Variants in FOLR2 observed in about 807,000 individuals in gnomAD.
The protein encoded by FOLR2 is folate receptor 2 (fetal).
FOLR2 carries 14 observed loss-of-function variants against 20.4 expected under a neutral mutation model. That is an observed-to-expected ratio of 0.68 (90% CI 0.45 to 1.07). The LOEUF is 1.07. FOLR2 is among the 50% of genes least tolerant of loss of function. The pLI, the probability that FOLR2 is intolerant of heterozygous loss-of-function variation, is 0.00. For missense variants in FOLR2, 269 were observed against 322.6 expected, an observed-to-expected ratio of 0.83 and a Z score of 1.27; for synonymous variants, 114 against 114.3, an observed-to-expected ratio of 1.00 and a Z score of 0.02.
At chr11:72,218,818 G>C in intron 2 of FOLR2, 84 bp downstream of exon 2, 1 of 1,169,946 alleles carries the variant, frequency 8.5e-7, no homozygotes, top group Non-Finnish European at 1.2e-6. Flanking sequence ...AGGGATTGAG[G>C]GGTCAGATAC....
Position 72,221,677 on chromosome 11 carries a change from A to G in FOLR2, c.683A>G (p.His228Arg). ...GCGAGGTTCTATGCTGCAGCCATGCATGTGAATGCTGGTGAGATGCTTCAT... is the reference window on the plus strand; with the variant it reads ...GCGAGGTTCTATGCTGCAGCCATGCGTGTGAATGCTGGTGAGATGCTTCAT... ...EVARFYAAAM[H>R]VNAGEMLHGT... The change falls in exon 5 of 5, where the codon CAT (histidine) becomes CGT (arginine). Residue 228 changes from histidine (H) to arginine (R), a missense_variant. Coordinates refer to ENST00000298223, the MANE Select transcript of FOLR2 (RefSeq NM_000803.5). 1 of 1,614,202 alleles carries G rather than the reference A, an allele frequency of 6.2e-7. No homozygotes were observed. The highest frequency in any genetic ancestry group is 8.5e-7 in the Non-Finnish European group (1 of 1,180,024).
At chr11:72,221,368 T>C in intron 4 of FOLR2, 57 bp downstream of exon 4, 1 of 1,601,326 alleles carries the variant, frequency 6.2e-7, no homozygotes, top group Non-Finnish European at 8.5e-7. Flanking sequence ...GTTTGGAAAA[T>C]CTTCAAGGAT....
chr11:72,219,821 T>C (rs1408764536), intron 2 of FOLR2, among the ~76,000 whole-genome samples: 1 of 151,928 alleles, frequency 6.6e-6, no homozygotes, highest in African/African-American at 2.4e-5. Context: ...AAGATAGAGA[T>C]ACATTTAAAA....
intron 1 of FOLR2, among the ~76,000 whole-genome samples, chr11:72,217,182 G>A (rs1360775965): frequency 3.3e-5 from 5 of 151,994 alleles, no homozygotes; most frequent in Admixed American, 2.6e-4. Flanking sequence ...CCACCACCTC[G>A]CCTGGCTAAT....
At chr11:72,221,107 G>C in intron 3 of FOLR2, 49 bp downstream of exon 3, 1 of 920,308 alleles carries the variant, frequency 1.1e-6, no homozygotes, top group Non-Finnish European at 1.3e-6. Flanking sequence ...ATCCCCCTCA[G>C]TCACTTCAAG....
At chr11:72,217,646 C>T (rs1173876635) in intron 1 of FOLR2, among the ~76,000 whole-genome samples, 1 of 152,114 alleles carries the variant, frequency 6.6e-6, no homozygotes, top group Non-Finnish European at 1.5e-5. Context: ...TTCATGTTGT[C>T]TCTCAGATCT....
At chr11:72,219,467 A>G (rs1948447786) in intron 2 of FOLR2, among the ~76,000 whole-genome samples, 2 of 152,336 alleles carry the variant, frequency 1.3e-5, no homozygotes, top group South Asian at 4.1e-4. Context: ...AGAAACACAC[A>G]GAAAGTAACT....
rs1948397003 is a variant in FOLR2, at chr11:72,216,846, G to A, written c.-104G>A. On this transcript the variant is annotated 5_prime_UTR_variant, in exon 1 of 5. Transcript: ENST00000298223. ...GACAGAGGCTGTGGGGACAGCCTAG[G>A]GGCCTGGATCTATTGCCTACTTAGA... 6.3e-7 allele frequency: 1 copy of A among 1,588,486 alleles called. No individual in the cohort carries two copies. Among genetic ancestry groups the A allele is most frequent in the African/African-American group, 1.3e-5 (1 of 74,722 alleles).
chr11:72,217,377 G>A (rs1948408809), intron 1 of FOLR2: 2 of 1,289,012 alleles, frequency 1.6e-6, no homozygotes, highest in Non-Finnish European at 2.0e-6. Context: ...AACTTGAAGG[G>A]GAAGAAATTG....
chr11:72,221,468 A>C lies in FOLR2; in HGVS notation c.476-2A>C. The C allele has an allele frequency of 1.2e-6, 2 of 1,613,384 alleles. No homozygotes were observed. The highest frequency in any genetic ancestry group is 2.2e-5 in the East Asian group (1 of 44,880). On this transcript the variant is annotated splice_acceptor_variant, in intron 4 of 4. Transcript: ENST00000298223. LOFTEE classifies it high-confidence loss of function. ...CTGTGTCCACCATGCCTCTCCCTGCAGGAGTTAACAAGTGCCCAGCTGGGG... is the reference window on the plus strand; with the variant it reads ...CTGTGTCCACCATGCCTCTCCCTGCCGGAGTTAACAAGTGCCCAGCTGGGG...
At chr11:72,220,752 G>C (rs1479139469) in intron 2 of FOLR2, 118 bp from the exon 3 acceptor site, 3 of 1,286,576 alleles carry the variant, frequency 2.3e-6, no homozygotes, top group Non-Finnish European at 3.3e-6. Flanking sequence ...GGGAACCTGA[G>C]TGTTCTCAGG....
At chr11:72,217,909 G>C (rs1169772331) in intron 1 of FOLR2, among the ~76,000 whole-genome samples, 2 of 152,122 alleles carry the variant, frequency 1.3e-5, no homozygotes, top group East Asian at 3.8e-4. Flanking sequence ...GAGGTCTGCT[G>C]CATTAGCCCA....
chr11:72,221,132 C>T, intron 3 of FOLR2, 44 bp from the exon 4 acceptor site: 2 of 1,584,562 alleles, frequency 1.3e-6, no homozygotes, highest in Non-Finnish European at 1.7e-6. Context: ...TGGCTGCCAG[C>T]ATCCCTGGCT....
Position 72,221,506 on chromosome 11 carries a change from C to A in FOLR2, c.512C>A (p.Thr171Asn), listed in dbSNP as rs1565375533. Reference sequence around the variant, plus strand: ...TGCCCAGCTGGGGCTCTCTGCCGCACCTTTGAGTCCTACTTCCCCACTCCA... The same window carrying A: ...TGCCCAGCTGGGGCTCTCTGCCGCAACTTTGAGTCCTACTTCCCCACTCCA... The part of the protein sequence containing the change: ...NKCPAGALCR[T>N]FESYFPTPAA... Residue 171 changes from threonine (T) to asparagine (N), a missense_variant, in exon 5 of 5, where the codon ACC (threonine) becomes AAC (asparagine). By Grantham distance (65) the Thr-to-Asn change is moderately conservative. Transcript: ENST00000298223. 5.6e-6 allele frequency: 9 copies of A among 1,613,946 alleles called. No individual in the cohort carries two copies. Among genetic ancestry groups the A allele is most frequent in the Non-Finnish European group, 7.6e-6 (9 of 1,179,892 alleles).
intron 1 of FOLR2, among the ~76,000 whole-genome samples, chr11:72,217,694 T>C (rs1356959726): frequency 6.6e-6 from 1 of 152,208 alleles, no homozygotes; most frequent in African/African-American, 2.4e-5. Context: ...TTATTTTGAA[T>C]TTTTTAAACT....
Position 72,218,703 on chromosome 11 carries a change from A to C in FOLR2, c.119A>C (p.Lys40Thr). ...VCMDAKHHKT[K>T]PGPEDKLHDQ... ...ATGGATGCCAAGCACCACAAGACAA[A>C]GCCAGGTCCTGAGGACAAGCTGCAT... is the stretch of plus-strand genomic sequence containing the variant. Residue 40 changes from lysine to threonine, a missense_variant, in exon 2 of 5, where the codon AAG becomes ACG. Transcript: ENST00000298223. 6.2e-7 allele frequency: 1 copy of C among 1,612,546 alleles called. No individual in the cohort carries two copies.
At position 72,220,965 on chromosome 11, in the gene FOLR2, C is replaced by T; in HGVS notation, c.246C>T (p.His82=). The T allele has an allele frequency of 6.2e-7, 1 of 1,614,000 alleles. No individual in the cohort carries two copies. The highest frequency in any genetic ancestry group is 8.5e-7 in the Non-Finnish European group (1 of 1,179,892). The change falls in exon 3 of 5, where the codon CAC becomes CAT. Residue 82 remains histidine (H), a synonymous_variant. Coordinates refer to ENST00000298223, the MANE Select transcript of FOLR2 (RefSeq NM_000803.5). ...GCCTGTACAACTTTAACTGGGACCA[C>T]TGCGGCAAGATGGAGCCCGCCTGCA... ...TSRLYNFNWD[H]CGKMEPACKR...
chr11:72,217,037 T>G, intron 1 of FOLR2, 112 bp downstream of exon 1: 1 of 1,246,890 alleles, frequency 8.0e-7, no homozygotes, highest in Non-Finnish European at 1.1e-6. Context: ...TTGTATTGTA[T>G]TTTTTGAGAC....
At chr11:72,221,386 G>A in intron 4 of FOLR2, 75 bp downstream of exon 4, 1 of 1,597,748 alleles carries the variant, frequency 6.3e-7, no homozygotes, top group Non-Finnish European at 8.5e-7. Context: ...GATTTGGGGT[G>A]GGGTGAAGAT....
Sources: allele counts gnomAD v4.1 joint callset (sites outside exome capture counted in the v4.1 genomes callset), GRCh38; gene constraint gnomAD v4.1.1; transcripts MANE v1.5; gene names NCBI Gene and HGNC (gene_info 2026-07-23, HGNC 2026-07-21).